Variants in ERAP2 observed in about 807,000 individuals in gnomAD.
ERAP2 encodes the protein endoplasmic reticulum aminopeptidase 2, also known as leukocyte-derived arginine aminopeptidase.
Under a neutral mutation model 111.1 loss-of-function variants are expected in ERAP2, and 118 were observed. That is an observed-to-expected ratio of 1.06 (90% CI 0.92 to 1.24). The LOEUF is 1.24. ERAP2 is among the 50% of genes most tolerant of loss of function. The pLI is 0.00. For synonymous variants in ERAP2, 410 were observed against 401.2 expected, an observed-to-expected ratio of 1.02 and a Z score of -0.26; for missense variants, 1,131 against 1,125.8, an observed-to-expected ratio of 1.00 and a Z score of -0.07.
intron 13 of ERAP2, among the ~76,000 whole-genome samples, chr5:96,904,431 A>C (rs1785813343): frequency 6.6e-6 from 1 of 152,240 alleles, no homozygotes; most frequent in Non-Finnish European, 1.5e-5. Context: ...GAAAGTGACC[A>C]GCAGGACATC....
chr5:96,890,585 A>G (rs1229849305), intron 5 of ERAP2, among the ~76,000 whole-genome samples: 1 of 152,302 alleles, frequency 6.6e-6, no homozygotes, highest in African/African-American at 2.4e-5. Context: ...CAGTGACAAA[A>G]CAATTTTTTT....
Position 96,883,824 on chromosome 5 carries a change from A to G in ERAP2, c.608A>G (p.Gln203Arg). The change falls in exon 3 of 19, where the codon CAG becomes CGG. Residue 203 changes from glutamine to arginine, a missense_variant. Transcript: ENST00000437043. ...ILAVTDFEPT[Q>R]ARMAFPCFDE... is the part of the protein sequence containing the mutation. ...GCAGTAACAGATTTTGAGCCAACCC[A>G]GGCACGCATGGCTTTCCCTTGCTTT... The G allele has an allele frequency of 6.2e-7, 1 of 1,613,216 alleles. No homozygotes were observed. Among genetic ancestry groups the G allele is most frequent in the South Asian group, 1.1e-5 (1 of 90,776 alleles).
At chr5:96,906,512 C>T (rs1389833225) in intron 13 of ERAP2, among the ~76,000 whole-genome samples, 2 of 152,196 alleles carry the variant, frequency 1.3e-5, no homozygotes, top group African/African-American at 4.8e-5. Context: ...AAGCAATCCT[C>T]CTGCCTCGGC....
At chr5:96,882,699 G>T (rs564162348) in intron 2 of ERAP2, among the ~76,000 whole-genome samples, 1 of 152,270 alleles carries the variant, frequency 6.6e-6, no homozygotes, top group South Asian at 2.1e-4. Context: ...CAGCCAGTTA[G>T]AATTCCTTTA....
chr5:96,886,586 A>G (rs1014629796), intron 3 of ERAP2, 69 bp from the exon 4 acceptor site: 17 of 1,348,586 alleles, frequency 1.3e-5, no homozygotes, highest in African/African-American at 1.2e-4. Flanking sequence ...CTCACCTGCC[A>G]TAAGTCATAG....
rs939669372 is a variant in ERAP2 at position 96,912,749 on chromosome 5, A to C, written c.2467A>C (p.Lys823Gln). 5.0e-6 allele frequency: 8 copies of C among 1,601,340 alleles called. No homozygotes were observed. The African/African-American group carries it at 1.1e-4, about 22-fold the overall frequency. The stretch of plus-strand genomic sequence containing the variant: ...GTCAATGTCAAGTGCTGAACAAAAC[A>C]AAATTCTGTATGCTTTGTCAACGAG... ...ELSMSSAEQN[K>Q]ILYALSTSKH... The change falls in exon 16 of 19, where the codon AAA becomes CAA. Residue 823 changes from lysine to glutamine, a missense_variant. This residue lies in a region of ERAP2 where 279 missense variants were observed against 250.9 expected (regional missense o/e 1.11). Transcript: ENST00000437043.
At chr5:96,905,105 A>G (rs1015975754) in intron 13 of ERAP2, among the ~76,000 whole-genome samples, 9 of 152,126 alleles carry the variant, frequency 5.9e-5, no homozygotes, top group Non-Finnish European at 1.3e-4. Context: ...TGCAGTACTT[A>G]CTCAATAAAT....
rs141714647 is a variant in ERAP2, at chr5:96,896,118, C to A, written c.1240-255C>A. ...GAAACCATTATTTTATTTCTGTATT[C>A]AAGGGCTGGTACATGATAAACATTC... On this transcript the variant is annotated intron_variant, in intron 7 of 18. Transcript: ENST00000437043. Among the ~76,000 whole-genome samples the A allele has an allele frequency of 8.8e-4, 134 of 152,184 alleles. 1 individual carries two copies. Among genetic ancestry groups the A allele is most frequent in the Middle Eastern group, 3.4e-3 (1 of 294 alleles).
rs757489199 is a variant in ERAP2, at chr5:96,903,387, T to C, written c.1839T>C (p.Asp613=). ...HILKSKTDTL[D]LPEKTSWVKF... The stretch of plus-strand genomic sequence containing the variant: ...ATCTTATCCTCTTAGATACTCTGGA[T>C]CTACCTGAAAAGACCAGTTGGGTGA... Residue 613 remains aspartate, a synonymous_variant, in exon 13 of 19, where the codon GAT becomes GAC. Coordinates refer to ENST00000437043, the MANE Select transcript of ERAP2 (RefSeq NM_022350.5). The C allele has an allele frequency of 3.7e-6, 6 of 1,612,238 alleles. No individual in the cohort carries two copies. The South Asian group carries it at 6.6e-5, about 18-fold the overall frequency.
In ERAP2 at chr5:96,919,146, T is replaced by TA. The variant is rs1194448487; in HGVS notation, c.*1542dup. 6.6e-6 allele frequency: 1 copy of TA among 152,240 alleles called. No homozygotes were observed. Among genetic ancestry groups the TA allele is most frequent in the African/African-American group, 2.4e-5 (1 of 41,466 alleles). 9.4% of individuals were successfully genotyped at this position (152,240 alleles called of 1,614,324 possible). ...ATGTTGGGTCAAGAGGGGAAAGTGT[T>TA]AGTCAATCCACTTTGGAGCAATATC... On this transcript the variant is annotated 3_prime_UTR_variant, in exon 19 of 19. Transcript: ENST00000437043.
At chr5:96,899,821 GAGA>G (rs770653179) in intron 9 of ERAP2, among the ~76,000 whole-genome samples, 1 of 152,168 alleles carries the variant, frequency 6.6e-6, no homozygotes, top group Non-Finnish European at 1.5e-5. Context: ...TTAAGGGAAA[GAGA>G]AGAATTGGAT....
At position 96,900,191 on chromosome 5, in the gene ERAP2, T is replaced by C; in HGVS notation, c.1572+2T>C. ...GATCCCAAGATGACAAGTAACATGGTAAGGATAAAGAGAGTCACAGAGTAG... is the reference window on the plus strand; with the variant it reads ...GATCCCAAGATGACAAGTAACATGGCAAGGATAAAGAGAGTCACAGAGTAG... On this transcript the variant is annotated splice_donor_variant, in intron 10 of 18. Transcript: ENST00000437043. LOFTEE classifies it high-confidence loss of function. 6.2e-7 allele frequency: 1 copy of C among 1,613,712 alleles called. No individual in the cohort carries two copies.
chr5:96,901,782 G>A, intron 11 of ERAP2, 101 bp downstream of exon 11: 1 of 1,201,752 alleles, frequency 8.3e-7, no homozygotes, highest in South Asian at 1.5e-5. Context: ...TAGGATGCTA[G>A]TTCCATATAA....
At chr5:96,899,771 T>C (rs1163450069) in intron 9 of ERAP2, among the ~76,000 whole-genome samples, 1 of 152,132 alleles carries the variant, frequency 6.6e-6, no homozygotes, top group African/African-American at 2.4e-5. Flanking sequence ...AATAGGGGCA[T>C]ACATAACATG....
chr5:96,912,608 TTTC>T, intron 15 of ERAP2, 26 bp from the exon 16 acceptor site: 1 of 1,566,874 alleles, frequency 6.4e-7, no homozygotes, highest in South Asian at 1.2e-5. Context: ...CATAAAACTT[TTTC>T]TTCATTTTTA....
intron 17 of ERAP2, among the ~76,000 whole-genome samples, chr5:96,915,248 A>T (rs1163829759): frequency 6.6e-6 from 1 of 152,152 alleles, no homozygotes. Context: ...ACCTCAGGTG[A>T]TCCACCCACC....
rs746089915 is a variant in ERAP2 at position 96,886,740 on chromosome 5, T to C, written c.800T>C (p.Ile267Thr). ...ATGAGTACATACCTTGTAGCCTACA[T>C]AGTTTGTGATTTCCACTCTCTGAGT... ...VKMSTYLVAY[I>T]VCDFHSLSGF... The change falls in exon 4 of 19, where the codon ATA becomes ACA. Residue 267 changes from isoleucine to threonine, a missense_variant. Transcript: ENST00000437043. 6 of 1,539,144 alleles carry C rather than the reference T, an allele frequency of 3.9e-6. No homozygotes were observed. The highest frequency in any genetic ancestry group is 1.2e-5 in the South Asian group (1 of 80,778).
At chr5:96,881,999 C>T (rs1480316391) in intron 2 of ERAP2, among the ~76,000 whole-genome samples, 4 of 152,124 alleles carry the variant, frequency 2.6e-5, no homozygotes, top group Non-Finnish European at 5.9e-5. Context: ...AAGTGACTAG[C>T]TGTGTCTACT....
chr5:96,892,084 A>G (rs191785536), intron 5 of ERAP2, among the ~76,000 whole-genome samples: 9 of 152,304 alleles, frequency 5.9e-5, no homozygotes, highest in Admixed American at 5.2e-4. Flanking sequence ...TACTTCATCT[A>G]CAAAACTCTT....
Sources: gnomAD v4.1 joint callset for allele counts (sites outside exome capture counted in the v4.1 genomes callset) on GRCh38, gnomAD v4.1.1 for gene constraint, gnomAD v4.1.1 regional missense constraint, MANE v1.5 for transcripts, NCBI Gene and HGNC (gene_info 2026-07-23, HGNC 2026-07-21) for gene names.